Variants in P2RY14 observed in about 807,000 individuals in gnomAD.
The protein encoded by P2RY14 is purinergic receptor P2Y14, also known as P2Y purinoceptor 14.
In P2RY14, 2 loss-of-function variants were observed where a neutral mutation model predicts 0.9. The observed-to-expected ratio is 2.16, with a 90% CI of 0.88 to 6.79. The LOEUF (loss-of-function observed/expected upper bound fraction) is 6.79, where lower values mean the gene tolerates loss of function less well. P2RY14 is among the 30% of genes most tolerant of loss of function. P2RY14 has a pLI of 0.05. For missense variants in P2RY14, 378 were observed against 400.1 expected (o/e 0.94, Z 0.47); for synonymous variants, 158 against 147.2 (o/e 1.07, Z -0.53).
chr3:151,232,187 C>A (rs1731820063), intron 1 of P2RY14, among the ~76,000 whole-genome samples: 1 of 152,150 alleles, frequency 6.6e-6, no homozygotes, highest in East Asian at 1.9e-4. Flanking sequence ...TGGCCATTTT[C>A]TTTTCTCTTT....
intron 1 of P2RY14, among the ~76,000 whole-genome samples, chr3:151,229,132 T>A (rs1731105203): frequency 1.3e-5 from 2 of 152,162 alleles, no homozygotes; most frequent in South Asian, 4.1e-4. Flanking sequence ...GAAAAGAATA[T>A]AAATATCCAG....
intron 1 of P2RY14, among the ~76,000 whole-genome samples, chr3:151,225,012 A>G (rs1391325030): frequency 6.6e-6 from 1 of 152,174 alleles, no homozygotes; most frequent in Non-Finnish European, 1.5e-5. Context: ...ATTATTTACT[A>G]GTGTTATTTA....
At chr3:151,231,601 C>T (rs1731690093) in intron 1 of P2RY14, among the ~76,000 whole-genome samples, 1 of 152,050 alleles carries the variant, frequency 6.6e-6, no homozygotes, top group East Asian at 1.9e-4. Context: ...AAAATCAATG[C>T]CACGAGAAAC....
chr3:151,270,414 G>T (rs138330655), intron 1 of P2RY14, among the ~76,000 whole-genome samples: 2 of 152,096 alleles, frequency 1.3e-5, no homozygotes, highest in East Asian at 3.9e-4. Context: ...AAACTGTATG[G>T]ATTTAATACC....
At chr3:151,248,653 C>T (rs1181561511) in intron 1 of P2RY14, among the ~76,000 whole-genome samples, 1 of 151,942 alleles carries the variant, frequency 6.6e-6, no homozygotes, top group East Asian at 1.9e-4. Context: ...GGAAATCATG[C>T]CTTATCAAAT....
At chr3:151,268,241 A>G (rs979971221) in intron 1 of P2RY14, among the ~76,000 whole-genome samples, 2 of 142,932 alleles carry the variant, frequency 1.4e-5, no homozygotes, top group African/African-American at 2.6e-5. Context: ...AATATCTTGT[A>G]ACATTTATTA....
chr3:151,232,515 T>C (rs1221250425), intron 1 of P2RY14, among the ~76,000 whole-genome samples: 1 of 152,160 alleles, frequency 6.6e-6, no homozygotes, highest in Non-Finnish European at 1.5e-5. Context: ...TATTTCATAA[T>C]AGCAAAGACA....
intron 1 of P2RY14, among the ~76,000 whole-genome samples, chr3:151,231,805 G>A (rs1231145763): frequency 6.6e-6 from 1 of 152,192 alleles, no homozygotes; most frequent in Non-Finnish European, 1.5e-5. Flanking sequence ...TATTGATGGT[G>A]TGGTTAAGCG....
intron 1 of P2RY14, among the ~76,000 whole-genome samples, chr3:151,242,950 C>T (rs1349340853): frequency 1.7e-4 from 25 of 151,254 alleles, no homozygotes; most frequent in Admixed American, 7.2e-4. Flanking sequence ...AACCAAGGCT[C>T]GAGAACTACG....
In P2RY14 at chr3:151,213,290, G is replaced by T; in HGVS notation, c.*10C>A. 1 of 1,584,342 alleles carries T rather than the reference G, an allele frequency of 6.3e-7. No individual in the cohort carries two copies. Among genetic ancestry groups the T allele is most frequent in the Non-Finnish European group, 8.6e-7 (1 of 1,166,522 alleles). ...GCACACGTGGTCTTTCTTTGGAAGAGGGTAGGAACTCACAAAGTATCTGTG... is the reference window on the plus strand; with the variant it reads ...GCACACGTGGTCTTTCTTTGGAAGATGGTAGGAACTCACAAAGTATCTGTG... On this transcript the variant is annotated 3_prime_UTR_variant, in exon 3 of 3. Transcript: ENST00000309170.
chr3:151,265,502 A>G (rs990537277), intron 1 of P2RY14, among the ~76,000 whole-genome samples: 1 of 152,110 alleles, frequency 6.6e-6, no homozygotes, highest in Non-Finnish European at 1.5e-5. Context: ...TCAACTGCCC[A>G]CTTGCCGGTC....
chr3:151,223,056 G>GA (rs1167185906), intron 1 of P2RY14, among the ~76,000 whole-genome samples: 10 of 151,742 alleles, frequency 6.6e-5, no homozygotes, highest in African/African-American at 2.4e-4. Flanking sequence ...TCTTTGGAAA[G>GA]AAAGAGGTTA....
intron 1 of P2RY14, among the ~76,000 whole-genome samples, chr3:151,251,219 A>G (rs1736787721): frequency 6.6e-6 from 1 of 151,914 alleles, no homozygotes; most frequent in Non-Finnish European, 1.5e-5. Context: ...ACCTCTGTAC[A>G]CTGTTGTTCC....
chr3:151,224,796 C>T (rs1354470959), intron 1 of P2RY14, among the ~76,000 whole-genome samples: 1 of 152,140 alleles, frequency 6.6e-6, no homozygotes, highest in Admixed American at 6.5e-5. Flanking sequence ...TTTCCTGACC[C>T]TCTTTGCAGC....
At chr3:151,257,137 T>C (rs762909311) in intron 1 of P2RY14, among the ~76,000 whole-genome samples, 16 of 152,202 alleles carry the variant, frequency 1.1e-4, no homozygotes, top group African/African-American at 3.6e-4. Flanking sequence ...CTGTTAAGTT[T>C]TCTAGAACCA....
intron 1 of P2RY14, chr3:151,241,709 T>A (rs192730235): frequency 2.0e-4 from 30 of 152,294 alleles, no homozygotes; most frequent in Admixed American, 2.0e-3. Flanking sequence ...TTTTCATTTT[T>A]CTCTTGTGAA....
intron 2 of P2RY14, among the ~76,000 whole-genome samples, chr3:151,215,884 C>G (rs1728121474): frequency 6.6e-6 from 1 of 152,204 alleles, no homozygotes; most frequent in African/African-American, 2.4e-5. Flanking sequence ...TGATTTCTCT[C>G]AGCCTGGACC....
chr3:151,244,159 T>G, intron 1 of P2RY14, among the ~76,000 whole-genome samples: 1 of 130,724 alleles, frequency 7.6e-6, no homozygotes, highest in South Asian at 2.7e-4. Flanking sequence ...CTCCCACACA[T>G]TAATAATGGG....
At chr3:151,217,822 A>C (rs1728538683) in intron 2 of P2RY14, among the ~76,000 whole-genome samples, 1 of 152,170 alleles carries the variant, frequency 6.6e-6, no homozygotes, top group Non-Finnish European at 1.5e-5. Flanking sequence ...GTGAGAACAT[A>C]CTGTCTTACG....
Sources: gnomAD v4.1 joint callset for allele counts (sites outside exome capture counted in the v4.1 genomes callset) on GRCh38, gnomAD v4.1.1 for gene constraint, MANE v1.5 for transcripts, NCBI Gene and HGNC (gene_info 2026-07-23, HGNC 2026-07-21) for gene names.